HHAT: variants seen among roughly 807,000 people sequenced by gnomAD.
HHAT encodes the protein hedgehog acyltransferase.
A neutral mutation model predicts 70.8 loss-of-function variants in HHAT; 47 were observed. The observed-to-expected ratio is 0.66, with a 90% CI of 0.53 to 0.85. The LOEUF (loss-of-function observed/expected upper bound fraction) is 0.85. HHAT is among the 40% of genes least tolerant of loss of function. The pLI is 0.00. For missense variants in HHAT, 609 were observed against 604.8 expected (o/e 1.01, Z -0.07); for synonymous variants, 228 against 247.6 (o/e 0.92, Z 0.74).
intron 9 of HHAT, among the ~76,000 whole-genome samples, chr1:210,573,942 C>CAGGAG (rs1370421301): frequency 5.9e-5 from 9 of 152,110 alleles, no homozygotes; most frequent in Non-Finnish European, 1.2e-4. Flanking sequence ...AAGGAAAGAG[C>CAGGAG]AGGAGACAAA....
At chr1:210,610,871 A>G (rs368250403) in intron 10 of HHAT, among the ~76,000 whole-genome samples, 12 of 152,044 alleles carry the variant, frequency 7.9e-5, no homozygotes, top group South Asian at 2.1e-4. Context: ...CTATCAGTCT[A>G]TGTGTCTGTT....
At chr1:210,498,899 A>G (rs75962579) in intron 8 of HHAT, among the ~76,000 whole-genome samples, 3,348 of 151,138 alleles carry the variant, frequency 0.022, 99 homozygotes, top group African/African-American at 0.069. Context: ...CCTCCTGAGT[A>G]TCTGGGATTA....
chr1:210,380,065 G>C (rs2294846), intron 3 of HHAT, among the ~76,000 whole-genome samples: 3,607 of 152,298 alleles, frequency 0.024, 59 homozygotes, highest in Middle Eastern at 0.058. Flanking sequence ...CCAGTAGACT[G>C]TGCTGATACC....
chr1:210,571,435 G>A (rs953733302), intron 9 of HHAT, among the ~76,000 whole-genome samples: 1 of 152,172 alleles, frequency 6.6e-6, no homozygotes, highest in Non-Finnish European at 1.5e-5. Context: ...CAGGACCATG[G>A]TGTGGGTGGG....
At chr1:210,504,207 A>G (rs4537555) in intron 8 of HHAT, among the ~76,000 whole-genome samples, 12,436 of 152,296 alleles carry the variant, frequency 0.082, 641 homozygotes, top group Non-Finnish European at 0.11. Context: ...TTGTAGCTCT[A>G]TTGAGCATCT....
At chr1:210,471,719 T>C (rs952131304) in intron 8 of HHAT, among the ~76,000 whole-genome samples, 3 of 152,214 alleles carry the variant, frequency 2.0e-5, no homozygotes. Flanking sequence ...AGGACAGTTA[T>C]TTTTAAACAA....
At chr1:210,649,722 A>T (rs1411760458) in intron 11 of HHAT, among the ~76,000 whole-genome samples, 1 of 152,216 alleles carries the variant, frequency 6.6e-6, no homozygotes, top group Non-Finnish European at 1.5e-5. Context: ...GGGAAAGCAG[A>T]ATGTTGGAGT....
At chr1:210,378,392 T>C (rs1230718586) in intron 3 of HHAT, among the ~76,000 whole-genome samples, 2 of 152,250 alleles carry the variant, frequency 1.3e-5, no homozygotes, top group African/African-American at 2.4e-5. Context: ...ATAGTATTTC[T>C]GTAGTATTTT....
chr1:210,485,929 G>A (rs2094466870), intron 8 of HHAT, among the ~76,000 whole-genome samples: 1 of 152,116 alleles, frequency 6.6e-6, no homozygotes, highest in South Asian at 2.1e-4. Context: ...TTTCCAAAGG[G>A]CGTCTGATAG....
chr1:210,615,851 G>C (rs1667600789), intron 10 of HHAT, among the ~76,000 whole-genome samples: 2 of 152,176 alleles, frequency 1.3e-5, no homozygotes, highest in Non-Finnish European at 2.9e-5. Context: ...GCCCCTACTG[G>C]GGGGTGCCTC....
intron 10 of HHAT, among the ~76,000 whole-genome samples, chr1:210,604,968 A>G (rs1399329974): frequency 6.6e-6 from 1 of 152,146 alleles, no homozygotes; most frequent in Non-Finnish European, 1.5e-5. Flanking sequence ...GCACGCTGTG[A>G]TTGTACTTGG....
chr1:210,623,717 T>A (rs562939458), intron 11 of HHAT, 47 bp downstream of exon 11: 1 of 1,583,744 alleles, frequency 6.3e-7, no homozygotes, highest in Non-Finnish European at 8.6e-7. Flanking sequence ...TTGTTTTCCA[T>A]GTATGCGGAT....
chr1:210,479,390 A>G (rs958255753), intron 8 of HHAT, among the ~76,000 whole-genome samples: 3 of 152,216 alleles, frequency 2.0e-5, no homozygotes, highest in African/African-American at 7.2e-5. Context: ...GTGTCACAAG[A>G]CAGGCATGAC....
chr1:210,616,841 TAC>T lies in HHAT; in HGVS notation c.1246-6684_1246-6683del, dbSNP rs533455817. On this transcript the variant is annotated intron_variant, in intron 10 of 11. Transcript: ENST00000261458. Reference sequence around the variant, plus strand: ...TTGTAAAATATGAATAGTTTTTACCTACTTTACAGTATAAGTAAAGCTGCTCA... The same window carrying T: ...TTGTAAAATATGAATAGTTTTTACCTTTTACAGTATAAGTAAAGCTGCTCA... Among the ~76,000 whole-genome samples the T allele has an allele frequency of 4.0e-3, 611 of 152,366 alleles. 1 individual carries two copies. Among genetic ancestry groups the T allele is most frequent in the Admixed American group, 7.3e-3 (112 of 15,310 alleles).
intron 3 of HHAT, among the ~76,000 whole-genome samples, chr1:210,382,740 G>T (rs528182951): frequency 3.3e-5 from 5 of 152,170 alleles, no homozygotes; most frequent in African/African-American, 1.2e-4. Flanking sequence ...TGAGTATTTT[G>T]TGCATGTCAC....
intron 11 of HHAT, among the ~76,000 whole-genome samples, chr1:210,654,725 A>T (rs542620336): frequency 2.8e-3 from 420 of 152,324 alleles, no homozygotes; most frequent in African/African-American, 9.5e-3. Context: ...ACAGAGCCAT[A>T]TCTTCCCCAT....
chr1:210,613,654 A>G (rs529178071), intron 10 of HHAT, among the ~76,000 whole-genome samples: 1 of 152,284 alleles, frequency 6.6e-6, no homozygotes, highest in South Asian at 2.1e-4. Context: ...TTTCCAAAGA[A>G]TGTCATTGGG....
At chr1:210,343,849 A>G (rs1571737656) in intron 1 of HHAT, among the ~76,000 whole-genome samples, 1 of 152,314 alleles carries the variant, frequency 6.6e-6, no homozygotes, top group Middle Eastern at 3.4e-3. Flanking sequence ...TTCAGGGAGA[A>G]AATCAGGGTC....
chr1:210,617,547 A>G (rs1667991154), intron 10 of HHAT, among the ~76,000 whole-genome samples: 1 of 152,218 alleles, frequency 6.6e-6, no homozygotes, highest in African/African-American at 2.4e-5. Flanking sequence ...AACTTTTAGC[A>G]GGAACCCAGG....
Sources: gnomAD v4.1 joint callset for allele counts (sites outside exome capture counted in the v4.1 genomes callset) on GRCh38, gnomAD v4.1.1 for gene constraint, MANE v1.5 for transcripts, NCBI Gene and HGNC (gene_info 2026-07-23, HGNC 2026-07-21) for gene names.